GCC2: variants seen among roughly 807,000 people sequenced by gnomAD.
GCC2 encodes GRIP and coiled-coil domain containing 2, also known as GRIP and coiled-coil domain-containing protein 2.
A neutral mutation model predicts 210.6 loss-of-function variants in GCC2; 120 were observed. The ratio of observed to expected loss-of-function variants is 0.57; its 90% CI spans 0.49 to 0.66. The LOEUF (loss-of-function observed/expected upper bound fraction) is 0.66, where lower values mean the gene tolerates loss of function less well. Among genes scored for constraint, GCC2 ranks in the 30% least tolerant of loss-of-function variants. The pLI is 0.00. For missense variants in GCC2, 1,868 were observed against 1,871.9 expected (o/e 1.00, Z 0.04); for synonymous variants, 703 against 652.7 (o/e 1.08, Z -1.17).
chr2:108,491,351 A>G (rs1682397023), intron 18 of GCC2, among the ~76,000 whole-genome samples: 1 of 152,310 alleles, frequency 6.6e-6, no homozygotes, highest in African/African-American at 2.4e-5. Context: ...TATCCTGCTT[A>G]GACTATTTTT....
Position 108,470,234 on chromosome 2 carries a change from T to A in GCC2, c.905T>A (p.Leu302Ter). The A allele has an allele frequency of 6.2e-7, 1 of 1,613,460 alleles. No individual in the cohort carries two copies. Among genetic ancestry groups the A allele is most frequent in the Non-Finnish European group, 8.5e-7 (1 of 1,179,754 alleles). ...QKKYECELEN[L>*]RKATSNANQD... ...AAATATGAATGTGAGTTAGAAAATT[T>A]AAGGAAAGCCACCTCAAATGCAAAC... The change falls in exon 6 of 23, where the codon TTA becomes TAA. Residue 302 changes from leucine (L) to a stop codon, truncating the protein, a stop_gained. Transcript: ENST00000309863. LOFTEE classifies it high-confidence loss of function.
In GCC2 at chr2:108,461,712, C is replaced by T. The variant is rs1301842258; in HGVS notation, c.217-7268C>T. Reference sequence around the variant, plus strand: ...AGAGACGGGGTTTCACCATGTTGGCCAGGCTGGTCTTGAGCTCAGGACCTC... The same window carrying T: ...AGAGACGGGGTTTCACCATGTTGGCTAGGCTGGTCTTGAGCTCAGGACCTC... On this transcript the variant is annotated intron_variant, in intron 4 of 22. Coordinates refer to ENST00000309863, the MANE Select transcript of GCC2 (RefSeq NM_181453.4). Among the ~76,000 whole-genome samples the T allele has an allele frequency of 2.6e-5, 4 of 151,796 alleles. No individual in the cohort carries two copies. In the East Asian group the frequency reaches 5.8e-4, roughly 22 times the overall value.
In GCC2 at chr2:108,455,270, T is replaced by G. The variant is rs1680194307; in HGVS notation, c.216+2804T>G. ...GCCTGGCCAACTTGGTGAAACCCCA[T>G]CTCTACTCAAAATACAAAAATTAAC... On this transcript the variant is annotated intron_variant, in intron 4 of 22. Coordinates refer to ENST00000309863, the MANE Select transcript of GCC2 (RefSeq NM_181453.4). Among the ~76,000 whole-genome samples the G allele has an allele frequency of 5.9e-5, 9 of 152,082 alleles. No individual in the cohort carries two copies. In the South Asian group the frequency reaches 1.9e-3, roughly 32 times the overall value.
intron 12 of GCC2, 29 bp downstream of exon 12, chr2:108,483,195 A>G: frequency 2.9e-6 from 3 of 1,026,284 alleles, no homozygotes; most frequent in Non-Finnish European, 4.6e-6. Context: ...ATCAAAATTG[A>G]TGTAATATTC....
At chr2:108,491,354 C>G (rs547110090) in intron 18 of GCC2, among the ~76,000 whole-genome samples, 2 of 152,128 alleles carry the variant, frequency 1.3e-5, no homozygotes, top group African/African-American at 4.8e-5. Context: ...CCTGCTTAGA[C>G]TATTTTTGTA....
chr2:108,484,194 G>T lies in GCC2; in HGVS notation c.3496G>T (p.Glu1166Ter). The T allele has an allele frequency of 6.3e-7, 1 of 1,592,710 alleles. No individual in the cohort carries two copies. Among genetic ancestry groups the T allele is most frequent in the South Asian group, 1.2e-5 (1 of 86,866 alleles). ...GATGAATATGGAAATAGCTGATTAT[G>T]AACGTTTGATGAAAGAACTAAATCA... ...TLMNMEIADY[E>*]RLMKELNQKL... The change falls in exon 13 of 23, where the codon GAA becomes TAA. Residue 1166 changes from glutamate to a stop codon, truncating the protein, a stop_gained. Transcript: ENST00000309863. LOFTEE classifies it high-confidence loss of function.
chr2:108,499,299 C>T (rs1268503381), intron 21 of GCC2, among the ~76,000 whole-genome samples: 1 of 152,004 alleles, frequency 6.6e-6, no homozygotes, highest in Non-Finnish European at 1.5e-5. Flanking sequence ...ACTTTCTAGG[C>T]AAATGCAGCT....
chr2:108,487,956 G>C lies in GCC2; in HGVS notation c.4052+136G>C, dbSNP rs181793669. 8.1e-4 allele frequency: 680 copies of C among 836,276 alleles called. 2 individuals carry two copies. The African/African-American group carries it at 0.011, about 13-fold the overall frequency. The allele number at this position is 836,276 out of a possible 1,614,324, so 51.8% of individuals were successfully genotyped here. The stretch of plus-strand genomic sequence containing the variant: ...ACTTTCGCTCTTGTTGCCCAGGCTG[G>C]AGTGCAGTGGTGCAATCTCAGCTCA... On this transcript the variant is annotated intron_variant, in intron 17 of 22. Transcript: ENST00000309863.
At chr2:108,455,845 A>G (rs1680247643) in intron 4 of GCC2, among the ~76,000 whole-genome samples, 1 of 151,984 alleles carries the variant, frequency 6.6e-6, no homozygotes, top group Non-Finnish European at 1.5e-5. Flanking sequence ...GATTTCATGT[A>G]TTTGCTATTG....
chr2:108,497,425 C>A (rs1402108870), intron 21 of GCC2, among the ~76,000 whole-genome samples: 1 of 152,158 alleles, frequency 6.6e-6, no homozygotes, highest in Non-Finnish European at 1.5e-5. Flanking sequence ...CAAAATACTT[C>A]TTTTACACCT....
intron 4 of GCC2, among the ~76,000 whole-genome samples, chr2:108,468,375 A>G (rs2718708): frequency 0.22 from 33,918 of 151,954 alleles, 4,158 homozygotes; most frequent in African/African-American, 0.32. Context: ...TTACATAGAT[A>G]TGCTTCCTTT....
intron 9 of GCC2, among the ~76,000 whole-genome samples, chr2:108,480,545 T>C (rs907165760): frequency 1.3e-5 from 2 of 152,082 alleles, no homozygotes; most frequent in Non-Finnish European, 2.9e-5. Context: ...TTGGTATATA[T>C]ACACCATGGA....
chr2:108,505,175 C>T (rs1683123635), intron 22 of GCC2, among the ~76,000 whole-genome samples: 1 of 152,208 alleles, frequency 6.6e-6, no homozygotes, highest in African/African-American at 2.4e-5. Flanking sequence ...TGTCAAAAAT[C>T]TTATATTCAG....
In GCC2 at chr2:108,470,888, A is replaced by G. The variant is rs745455759; in HGVS notation, c.1559A>G (p.Gln520Arg). The G allele has an allele frequency of 6.2e-7, 1 of 1,613,734 alleles. No individual in the cohort carries two copies. The highest frequency in any genetic ancestry group is 8.5e-7 in the Non-Finnish European group (1 of 1,179,840). ...CAAGCATCTGATGTTCATGAACTGC[A>G]GCAGAAGCTCAGAACTGCTTTTACT... The part of the protein sequence containing the change: ...QQQASDVHEL[Q>R]QKLRTAFTEK... The change falls in exon 6 of 23, where the codon CAG (glutamine) becomes CGG (arginine). Residue 520 changes from glutamine to arginine, a missense_variant. Around this residue, in one of 3 missense-constraint regions of GCC2, gnomAD observed 1,847 missense variants for 1,765.2 expected, o/e 1.05. Coordinates refer to ENST00000309863, the MANE Select transcript of GCC2 (RefSeq NM_181453.4).
chr2:108,467,858 G>C (rs1680985202), intron 4 of GCC2, among the ~76,000 whole-genome samples: 1 of 152,084 alleles, frequency 6.6e-6, no homozygotes, highest in South Asian at 2.1e-4. Context: ...TCTGTCCCTT[G>C]AAAATTTGAT....
intron 4 of GCC2, among the ~76,000 whole-genome samples, chr2:108,466,725 A>G (rs945004137): frequency 1.6e-4 from 24 of 151,284 alleles, no homozygotes; most frequent in Non-Finnish European, 3.4e-4. Flanking sequence ...ACCCACCTCA[A>G]CCTCCCAAAA....
rs59790481 is a variant in GCC2, at chr2:108,502,911, A to G, written c.4984+3157A>G. ...GCACTCCAGCCCGAGCAACAAGAGC[A>G]AAACCCTGTCTCAAAAAAAAAAAAA... On this transcript the variant is annotated intron_variant, in intron 22 of 22. Coordinates refer to ENST00000309863, the MANE Select transcript of GCC2 (RefSeq NM_181453.4). 4.6e-3 allele frequency among the ~76,000 whole-genome samples: 620 copies of G among 134,936 alleles called. 5 individuals carry two copies. Among genetic ancestry groups the G allele is most frequent in the African/African-American group, 0.016 (587 of 37,664 alleles). The allele number at this position is 134,936 out of a possible 152,430, so 88.5% of individuals were successfully genotyped here. A position where few individuals can be genotyped will look rare whatever the true frequency, so the allele number is the denominator to read the frequency against.
rs181026047 is a variant in GCC2, at chr2:108,464,594, G to C, written c.217-4386G>C. 3.2e-3 allele frequency among the ~76,000 whole-genome samples: 489 copies of C among 152,294 alleles called. 6 individuals are homozygous for C. Among genetic ancestry groups the C allele is most frequent in the Non-Finnish European group, 4.2e-3 (283 of 68,026 alleles). ...TGGACAGCTGAGAGTCTCTCACTTAGCCTTTCTGAGCATTGGGGAATTTCT... is the reference window on the plus strand; with the variant it reads ...TGGACAGCTGAGAGTCTCTCACTTACCCTTTCTGAGCATTGGGGAATTTCT... On this transcript the variant is annotated intron_variant, in intron 4 of 22. Coordinates refer to ENST00000309863, the MANE Select transcript of GCC2 (RefSeq NM_181453.4).
chr2:108,472,842 T>C lies in GCC2; in HGVS notation c.2803T>C (p.Ser935Pro). Residue 935 changes from serine (S) to proline (P), a missense_variant, in exon 7 of 23, where the codon TCA becomes CCA. Physicochemically the swap from Ser to Pro is moderately conservative, Grantham distance 74. This residue lies in a region of GCC2 where 1,847 missense variants were observed against 1,765.2 expected (regional missense o/e 1.05). Coordinates refer to ENST00000309863, the MANE Select transcript of GCC2 (RefSeq NM_181453.4). ...LILLKDSLAK[S>P]PSVKNDPLSS... ...TAAAATCTAGGATTCCTTAGCAAAA[T>C]CACCTTCTGTAAAAAATGATCCTCT... 1.3e-6 allele frequency: 2 copies of C among 1,588,034 alleles called. No homozygotes were observed. Among genetic ancestry groups the C allele is most frequent in the Admixed American group, 1.7e-5 (1 of 58,188 alleles).
Sources: gnomAD v4.1 joint callset for allele counts (sites outside exome capture counted in the v4.1 genomes callset) on GRCh38, gnomAD v4.1.1 for gene constraint, gnomAD v4.1.1 regional missense constraint, MANE v1.5 for transcripts, NCBI Gene and HGNC (gene_info 2026-07-23, HGNC 2026-07-21) for gene names.